The following SIMC1 variants were observed in gnomAD, a reference collection of about 807,000 sequenced individuals.
The protein encoded by SIMC1 is SUMO-interacting motif-containing protein 1.
SIMC1 carries 55 observed loss-of-function variants against 82.3 expected under a neutral mutation model. That is an observed-to-expected ratio of 0.67 (90% confidence interval 0.54 to 0.84). SIMC1 has a LOEUF of 0.84. Among genes scored for constraint, SIMC1 ranks in the 40% least tolerant of loss-of-function variants. The pLI, the probability that SIMC1 is intolerant of heterozygous loss-of-function variation, is 0.00. For synonymous variants in SIMC1, 353 were observed against 426.3 expected (o/e 0.83, Z 2.12); for missense variants, 915 against 1,107.2 (o/e 0.83, Z 2.46).
chr5:176,242,655 C>A (rs1288152246), intron 1 of SIMC1, among the ~76,000 whole-genome samples: 1 of 151,998 alleles, frequency 6.6e-6, no homozygotes, highest in South Asian at 2.1e-4. Flanking sequence ...AACTGTATTG[C>A]CAAATTTCCT....
At chr5:176,266,158 A>G (rs1581229955) in intron 1 of SIMC1, among the ~76,000 whole-genome samples, 1 of 152,190 alleles carries the variant, frequency 6.6e-6, no homozygotes, top group East Asian at 1.9e-4. Flanking sequence ...TTCTTACAAG[A>G]TAGCTGCATA....
rs188859288 is a variant in SIMC1, at chr5:176,257,715, A to C, written c.129+19078A>C. Among the ~76,000 whole-genome samples, 441 of 152,242 alleles carry C rather than the reference A, an allele frequency of 2.9e-3. 3 individuals carry two copies. Among genetic ancestry groups the C allele is most frequent in the African/African-American group, 8.7e-3 (362 of 41,544 alleles). On this transcript the variant is annotated intron_variant, in intron 1 of 9. Transcript: ENST00000429602. ...GTGTCTCCTTACTATTTTTCCCCCC[A>C]AAAAAATGTCCTGGCTATTTGTACC...
intron 4 of SIMC1, chr5:176,308,197 T>C: frequency 6.8e-7 from 1 of 1,479,624 alleles, no homozygotes; most frequent in Non-Finnish European, 9.3e-7. Flanking sequence ...TGAACAATGA[T>C]ACAAGGAGTG....
intron 1 of SIMC1, among the ~76,000 whole-genome samples, chr5:176,249,843 CAAAAAAA>C (rs66752759): frequency 2.4e-5 from 2 of 81,798 alleles, no homozygotes; most frequent in South Asian, 5.5e-4. Context: ...GATTCCGTCT[CAAAAAAA>C]AAAAAAAAAA....
chr5:176,272,291 C>T lies in SIMC1; in HGVS notation c.130-17363C>T, dbSNP rs547850928. ...CTGCACTCCAGCCTGTGTGACATAGCGAGACCCCATCTCAAAAAACAAAAA... is the reference window on the plus strand; with the variant it reads ...CTGCACTCCAGCCTGTGTGACATAGTGAGACCCCATCTCAAAAAACAAAAA... On this transcript the variant is annotated intron_variant, in intron 1 of 9. Transcript: ENST00000429602. 6.7e-5 allele frequency among the ~76,000 whole-genome samples: 10 copies of T among 150,260 alleles called. 1 individual carries two copies. Among genetic ancestry groups the T allele is most frequent in the African/African-American group, 2.4e-4 (10 of 40,822 alleles).
chr5:176,279,623 T>C (rs954797724), intron 1 of SIMC1, among the ~76,000 whole-genome samples: 1 of 150,726 alleles, frequency 6.6e-6, no homozygotes, highest in South Asian at 2.2e-4. Flanking sequence ...TGCTATAAAT[T>C]TCCCTCTACA....
intron 7 of SIMC1, among the ~76,000 whole-genome samples, chr5:176,335,107 A>T (rs72825334): frequency 0.67 from 100,410 of 150,490 alleles, 33,834 homozygotes; most frequent in Middle Eastern, 0.74. Context: ...AAAAAAAAAA[A>T]AATAATAATA....
intron 4 of SIMC1, among the ~76,000 whole-genome samples, chr5:176,304,078 C>A (rs754153080): frequency 1.2e-4 from 19 of 152,148 alleles, no homozygotes; most frequent in Non-Finnish European, 2.4e-4. Context: ...TTCAGAACTT[C>A]TGTGCATCAA....
chr5:176,259,478 T>A (rs1382938833), intron 1 of SIMC1, among the ~76,000 whole-genome samples: 1 of 151,484 alleles, frequency 6.6e-6, no homozygotes, highest in East Asian at 2.0e-4. Flanking sequence ...ACATTATTTT[T>A]AAATTGTAAG....
rs186780886 is a variant in SIMC1, at chr5:176,294,672, A to G, written c.1432-358A>G. 5.9e-5 allele frequency among the ~76,000 whole-genome samples: 9 copies of G among 151,858 alleles called. No homozygotes were observed. The East Asian group carries it at 1.7e-3, about 29-fold the overall frequency. On this transcript the variant is annotated intron_variant, in intron 2 of 9. Transcript: ENST00000429602. ...AGAACCTCTTATTTTTGTATACTATAGAAATCCCGGCTCGGCGCCGTGGCT... is the reference window on the plus strand; with the variant it reads ...AGAACCTCTTATTTTTGTATACTATGGAAATCCCGGCTCGGCGCCGTGGCT...
At chr5:176,319,861 T>G (rs1765082424) in intron 5 of SIMC1, among the ~76,000 whole-genome samples, 1 of 152,172 alleles carries the variant, frequency 6.6e-6, no homozygotes, top group African/African-American at 2.4e-5. Flanking sequence ...TGTTAAAAGC[T>G]TTCCATAGAT....
chr5:176,265,083 T>C (rs1049685871), intron 1 of SIMC1, among the ~76,000 whole-genome samples: 1 of 152,152 alleles, frequency 6.6e-6, no homozygotes, highest in South Asian at 2.1e-4. Flanking sequence ...TATTTCCAGA[T>C]GACATGATTG....
intron 1 of SIMC1, among the ~76,000 whole-genome samples, chr5:176,278,990 T>A (rs1437385832): frequency 1.3e-5 from 2 of 152,240 alleles, no homozygotes; most frequent in Non-Finnish European, 2.9e-5. Context: ...GGATTCTCTC[T>A]TTTTCTATTG....
chr5:176,304,606 C>T (rs1333852461), intron 4 of SIMC1, among the ~76,000 whole-genome samples: 2 of 147,772 alleles, frequency 1.4e-5, no homozygotes, highest in Admixed American at 6.7e-5. Flanking sequence ...GCCCGGCCGC[C>T]ACCCCGTCTG....
chr5:176,318,606 A>C (rs1206945617), intron 5 of SIMC1, among the ~76,000 whole-genome samples: 1 of 152,080 alleles, frequency 6.6e-6, no homozygotes, highest in Admixed American at 6.6e-5. Flanking sequence ...TCATACCTTC[A>C]TTTAAGGAAT....
chr5:176,272,996 C>T (rs1762513603), intron 1 of SIMC1, among the ~76,000 whole-genome samples: 1 of 152,196 alleles, frequency 6.6e-6, no homozygotes. Context: ...GTAGACTCCA[C>T]TTCTAGGGGC....
In SIMC1 at chr5:176,312,024, G is replaced by A. The variant is rs77477187; in HGVS notation, c.1735-1667G>A. 5.9e-3 allele frequency among the ~76,000 whole-genome samples: 894 copies of A among 152,328 alleles called. 7 individuals are homozygous for A. Among genetic ancestry groups the A allele is most frequent in the African/African-American group, 0.02 (831 of 41,574 alleles). ...AAATACACTTCTTTTAGGAAGAGAA[G>A]AGGTGGGGGATTGGCCTAAGTAAAT... On this transcript the variant is annotated intron_variant, in intron 4 of 9. Transcript: ENST00000429602.
chr5:176,327,679 G>A (rs1290691949), intron 7 of SIMC1, among the ~76,000 whole-genome samples: 1 of 152,148 alleles, frequency 6.6e-6, no homozygotes, highest in East Asian at 1.9e-4. Context: ...ATCTTAGGGT[G>A]AAAACATTCA....
chr5:176,345,218 TTAA>T lies in SIMC1; in HGVS notation c.2454_2456del (p.Ile819del). On this transcript the variant is annotated inframe_deletion, in exon 10 of 10. Coordinates refer to ENST00000429602, the MANE Select transcript of SIMC1 (RefSeq NM_001308195.2). ...GAGTTCCGTGATCGACCGAAAGGAC[TTAA>T]TAATCAAAAGGATTAAGCCCAAACC... The T allele has an allele frequency of 1.2e-6, 2 of 1,613,952 alleles. No individual in the cohort carries two copies. Among genetic ancestry groups the T allele is most frequent in the Non-Finnish European group, 1.7e-6 (2 of 1,179,872 alleles).
Sources: gnomAD v4.1 joint callset for allele counts (sites outside exome capture counted in the v4.1 genomes callset) on GRCh38, gnomAD v4.1.1 for gene constraint, MANE v1.5 for transcripts, NCBI Gene and HGNC (gene_info 2026-07-23, HGNC 2026-07-21) for gene names.